XKR9: variants seen among roughly 807,000 people sequenced by gnomAD.
XKR9 encodes the protein XK-related protein 9.
A neutral mutation model predicts 32.0 loss-of-function variants in XKR9; 32 were observed. That is an observed-to-expected ratio of 1.00 (90% CI 0.76 to 1.34). The LOEUF (loss-of-function observed/expected upper bound fraction) is 1.34. Ranked by LOEUF, XKR9 falls within the 40% of genes most tolerant of loss-of-function variation. The probability of loss-of-function intolerance (pLI) is 0.00; values close to 1 mark genes in which losing one functional copy is unlikely to be tolerated. For missense variants in XKR9, 546 were observed against 429.7 expected (o/e 1.27, Z -2.39); for synonymous variants, 168 against 143.4 (o/e 1.17, Z -1.22).
Position 70,758,622 on chromosome 8 carries a change from C to G in XKR9, n.353-30717C>G, listed in dbSNP as rs375187206. ...GGAAGACCCAGGTCCCAGTTCAGTT[C>G]TTTCTAAACATTGTCCTATGATACA... On this transcript the variant is annotated intron_variant and non_coding_transcript_variant, in intron 2 of 3. Transcript: ENST00000520273. Among the ~76,000 whole-genome samples the G allele has an allele frequency of 6.6e-5, 10 of 152,316 alleles. No individual in the cohort carries two copies. In the East Asian group the frequency reaches 1.2e-3, roughly 18 times the overall value.
At chr8:70,675,562 G>A (rs1468839371) in intron 2 of XKR9, among the ~76,000 whole-genome samples, 1 of 152,014 alleles carries the variant, frequency 6.6e-6, no homozygotes, top group Admixed American at 6.6e-5. Flanking sequence ...TCCACATCTG[G>A]GCATAGGTTG....
intron 2 of XKR9, among the ~76,000 whole-genome samples, chr8:70,764,801 CTTG>C (rs750149113): frequency 3.9e-5 from 6 of 152,078 alleles, no homozygotes; most frequent in Non-Finnish European, 7.3e-5. Context: ...TCCATGTGTT[CTTG>C]TTGTTCAACT....
chr8:70,950,535 G>A, the XKR9 span, among the ~76,000 whole-genome samples: 61 of 152,272 alleles, frequency 4.0e-4, no homozygotes, highest in Non-Finnish European at 6.3e-4. Flanking sequence ...AGAGCCATGG[G>A]CAGGTGACAG....
intron 2 of XKR9, among the ~76,000 whole-genome samples, chr8:70,741,527 C>T (rs1420001775): frequency 6.6e-6 from 1 of 152,206 alleles, no homozygotes; most frequent in Non-Finnish European, 1.5e-5. Flanking sequence ...GTTCGTTGAG[C>T]ATAATGTCTT....
the XKR9 span, among the ~76,000 whole-genome samples, chr8:70,802,805 G>A: frequency 1.3e-5 from 2 of 152,016 alleles, no homozygotes; most frequent in South Asian, 4.1e-4. Context: ...GACTTGAAGG[G>A]TTTCTGCTAA....
At chr8:70,892,166 T>C in the XKR9 span, among the ~76,000 whole-genome samples, 3 of 152,136 alleles carry the variant, frequency 2.0e-5, no homozygotes, top group East Asian at 1.9e-4. Context: ...CATGAGTTTC[T>C]TGTAGGTAAC....
chr8:70,715,776 C>T (rs1431472241), intron 4 of XKR9, among the ~76,000 whole-genome samples: 2 of 151,912 alleles, frequency 1.3e-5, no homozygotes, highest in Non-Finnish European at 2.9e-5. Flanking sequence ...TTAACCTTAA[C>T]AGTGAAATTA....
chr8:70,855,272 A>G, the XKR9 span, among the ~76,000 whole-genome samples: 1 of 152,078 alleles, frequency 6.6e-6, no homozygotes, highest in African/African-American at 2.4e-5. Flanking sequence ...CCAATGCAGA[A>G]AAGTCCTTAA....
At position 70,755,808 on chromosome 8, in the gene XKR9, C is replaced by A. The variant is rs530898747; in HGVS notation, n.353-33531C>A. Among the ~76,000 whole-genome samples, 507 of 150,880 alleles carry A rather than the reference C, an allele frequency of 3.4e-3. 3 individuals are homozygous for A. The highest frequency in any genetic ancestry group is 0.015 in the South Asian group (73 of 4,752). On this transcript the variant is annotated intron_variant and non_coding_transcript_variant, in intron 2 of 3. Transcript: ENST00000520273. The stretch of plus-strand genomic sequence containing the variant: ...TTAGCATTAGGAGATATACCTAATG[C>A]TAAATGACGAGTTAATGGGTGCAGC...
chr8:70,904,039 C>G, the XKR9 span, among the ~76,000 whole-genome samples: 1 of 152,188 alleles, frequency 6.6e-6, no homozygotes, highest in East Asian at 1.9e-4. Context: ...TTACTTCCAA[C>G]TATGTCGTCA....
At chr8:70,974,699 T>G in the XKR9 span, among the ~76,000 whole-genome samples, 1 of 152,242 alleles carries the variant, frequency 6.6e-6, no homozygotes, top group South Asian at 2.1e-4. Flanking sequence ...ACTATAAACA[T>G]ATGTGTGCAT....
chr8:70,691,373 C>G (rs554700215), intron 3 of XKR9, among the ~76,000 whole-genome samples: 1 of 152,242 alleles, frequency 6.6e-6, no homozygotes, highest in East Asian at 1.9e-4. Flanking sequence ...TTTGTTTACT[C>G]TGTTGATAGT....
intron 4 of XKR9, 42 bp from the exon 5 acceptor site, chr8:70,733,751 CTAT>C (rs1293736046): frequency 5.6e-6 from 8 of 1,422,866 alleles, no homozygotes; most frequent in East Asian, 2.5e-5. Context: ...TCTAATATTT[CTAT>C]TATTCCTATA....
At chr8:70,756,458 A>G (rs1191924529) in intron 2 of XKR9, among the ~76,000 whole-genome samples, 2 of 152,154 alleles carry the variant, frequency 1.3e-5, no homozygotes, top group Non-Finnish European at 2.9e-5. Flanking sequence ...TTTGGGGAAT[A>G]TTGCTATTTA....
At chr8:70,981,145 C>T in the XKR9 span, among the ~76,000 whole-genome samples, 1 of 152,050 alleles carries the variant, frequency 6.6e-6, no homozygotes, top group Non-Finnish European at 1.5e-5. Context: ...GATGAATTTC[C>T]CAGGTGTTCT....
the XKR9 span, among the ~76,000 whole-genome samples, chr8:70,940,378 G>A: frequency 6.6e-6 from 1 of 152,026 alleles, no homozygotes; most frequent in Admixed American, 6.6e-5. Flanking sequence ...TTGGTGGCAA[G>A]AACTGGGCCT....
the XKR9 span, among the ~76,000 whole-genome samples, chr8:70,901,704 C>T: frequency 6.6e-6 from 1 of 152,110 alleles, no homozygotes. Context: ...GTTGCCATTG[C>T]TTTTGGTGTT....
At chr8:70,938,654 C>CA in the XKR9 span, among the ~76,000 whole-genome samples, 13 of 152,066 alleles carry the variant, frequency 8.5e-5, no homozygotes, top group African/African-American at 3.1e-4. Flanking sequence ...GCACAATAGA[C>CA]AGAGAATCAG....
chr8:70,726,312 T>A (rs1806468915), intron 4 of XKR9, among the ~76,000 whole-genome samples: 1 of 152,202 alleles, frequency 6.6e-6, no homozygotes, highest in Non-Finnish European at 1.5e-5. Flanking sequence ...ATCATCCGCG[T>A]CAATTCATGA....
Sources: gnomAD v4.1 joint callset for allele counts (sites outside exome capture counted in the v4.1 genomes callset) on GRCh38, gnomAD v4.1.1 for gene constraint, MANE v1.5 for transcripts, NCBI Gene and HGNC (gene_info 2026-07-23, HGNC 2026-07-21) for gene names.